Variants in DLGAP2 observed in about 807,000 individuals in gnomAD.
The protein encoded by DLGAP2 is disks large-associated protein 2.
A neutral mutation model predicts 100.3 loss-of-function variants in DLGAP2; 26 were observed. The observed-to-expected ratio is 0.26, with a 90% CI of 0.19 to 0.36. The LOEUF (loss-of-function observed/expected upper bound fraction) is 0.36, where lower values mean the gene tolerates loss of function less well. DLGAP2 is among the 10% of genes least tolerant of loss of function. The pLI is 1.00. For missense variants in DLGAP2, 1,858 were observed against 1,453.2 expected (o/e 1.28, Z -4.53); for synonymous variants, 886 against 630.1 (o/e 1.41, Z -6.08).
chr8:786,931 T>G (rs974676333), intron 1 of DLGAP2, among the ~76,000 whole-genome samples: 7 of 152,122 alleles, frequency 4.6e-5, no homozygotes, highest in Admixed American at 2.0e-4. Context: ...TCAAAACACT[T>G]CTGTCCTTTG....
At chr8:1,376,524 G>A (rs867001087) in intron 3 of DLGAP2, among the ~76,000 whole-genome samples, 1 of 152,206 alleles carries the variant, frequency 6.6e-6, no homozygotes, top group African/African-American at 2.4e-5. Context: ...TGGTACAATT[G>A]AGGCGCTTTC....
At chr8:1,339,206 G>T (rs1362027460) in intron 3 of DLGAP2, among the ~76,000 whole-genome samples, 3 of 149,408 alleles carry the variant, frequency 2.0e-5, no homozygotes, top group African/African-American at 5.0e-5. Context: ...AGGGAAGGCA[G>T]TGACCTCAGT....
intron 2 of DLGAP2, among the ~76,000 whole-genome samples, chr8:966,112 G>C (rs1799865137): frequency 6.6e-6 from 1 of 152,206 alleles, no homozygotes; most frequent in South Asian, 2.1e-4. Context: ...CACGCGCTGA[G>C]ACCAGAGCAG....
At chr8:853,863 T>C (rs1797226772) in intron 1 of DLGAP2, among the ~76,000 whole-genome samples, 1 of 152,138 alleles carries the variant, frequency 6.6e-6, no homozygotes, top group Admixed American at 6.5e-5. Flanking sequence ...CCCAGATTCA[T>C]ACCCTAACCC....
chr8:1,644,209 C>T (rs1585027450), intron 8 of DLGAP2, among the ~76,000 whole-genome samples: 1 of 152,248 alleles, frequency 6.6e-6, no homozygotes, highest in Non-Finnish European at 1.5e-5. Context: ...GGACTTCCCA[C>T]CCACTCTCCA....
rs1799560235 is a variant in DLGAP2 at position 1,701,285 on chromosome 8, G to A, written c.3047G>A (p.Arg1016His). Reference sequence around the variant, plus strand: ...TCCCTGGACCTGCCCGACAGACAACGCCAGGAAGCCCGGAGGCGCCTCATG... The same window carrying A: ...TCCCTGGACCTGCCCGACAGACAACACCAGGAAGCCCGGAGGCGCCTCATG... ...EKSLDLPDRQRQEARRRLMAA... is the reference protein window; with the variant it reads ...EKSLDLPDRQHQEARRRLMAA... Residue 1016 changes from arginine to histidine, a missense_variant, in exon 15 of 15, where the codon CGC (arginine) becomes CAC (histidine). Physicochemically the swap from Arg to His is conservative, Grantham distance 29 (BLOSUM62 0). Coordinates refer to ENST00000637795, the MANE Select transcript of DLGAP2 (RefSeq NM_001346810.2). 2 of 1,584,844 alleles carry A rather than the reference G, an allele frequency of 1.3e-6. No homozygotes were observed. The highest frequency in any genetic ancestry group is 1.7e-6 in the Non-Finnish European group (2 of 1,166,328).
intron 1 of DLGAP2, among the ~76,000 whole-genome samples, chr8:904,020 C>T (rs1033533147): frequency 1.3e-5 from 2 of 152,216 alleles, no homozygotes; most frequent in East Asian, 1.9e-4. Context: ...ACACGCGGTC[C>T]AGGCCCTGAG....
intron 3 of DLGAP2, among the ~76,000 whole-genome samples, chr8:1,466,194 C>T (rs889278277): frequency 3.9e-5 from 6 of 152,088 alleles, no homozygotes; most frequent in African/African-American, 1.2e-4. Context: ...GGGGTCAAAC[C>T]GACAGTAAAA....
At chr8:868,296 C>T (rs896184664) in intron 1 of DLGAP2, among the ~76,000 whole-genome samples, 13 of 152,088 alleles carry the variant, frequency 8.5e-5, no homozygotes, top group South Asian at 2.1e-4. Context: ...AGGTGTGTCT[C>T]GTTGTTAGTG....
intron 3 of DLGAP2, among the ~76,000 whole-genome samples, chr8:1,417,077 G>C (rs1202417825): frequency 1.3e-5 from 2 of 151,046 alleles, no homozygotes; most frequent in Non-Finnish European, 1.5e-5. Flanking sequence ...GCAGGAGAAA[G>C]GGCGGGGGTG....
chr8:903,964 G>T (rs559029332), intron 1 of DLGAP2, among the ~76,000 whole-genome samples: 2 of 152,364 alleles, frequency 1.3e-5, no homozygotes, highest in South Asian at 2.1e-4. Flanking sequence ...ATCAGGGAGG[G>T]TGAGGAAGAG....
chr8:1,657,007 C>T (rs1363859403), intron 8 of DLGAP2, among the ~76,000 whole-genome samples: 1 of 152,166 alleles, frequency 6.6e-6, no homozygotes, highest in Admixed American at 6.5e-5. Flanking sequence ...AAAAAATCAT[C>T]AGGGATTTTA....
chr8:1,266,149 C>T (rs1040319370), intron 3 of DLGAP2, among the ~76,000 whole-genome samples: 8 of 152,184 alleles, frequency 5.3e-5, no homozygotes, highest in Non-Finnish European at 8.8e-5. Context: ...GGGAGGTTTC[C>T]CTGGCCCCCA....
chr8:1,211,791 C>G (rs932168334), intron 2 of DLGAP2, among the ~76,000 whole-genome samples: 1 of 152,260 alleles, frequency 6.6e-6, no homozygotes, highest in Non-Finnish European at 1.5e-5. Flanking sequence ...AGGAGAATTG[C>G]TTGAACCCGG....
chr8:1,519,891 G>A (rs1252748133), intron 4 of DLGAP2, among the ~76,000 whole-genome samples: 1 of 152,230 alleles, frequency 6.6e-6, no homozygotes, highest in African/African-American at 2.4e-5. Context: ...GTGGGGTGGG[G>A]ATCCTAGACC....
At chr8:1,412,130 C>CCCT (rs1796748887) in intron 3 of DLGAP2, among the ~76,000 whole-genome samples, 1 of 152,220 alleles carries the variant, frequency 6.6e-6, no homozygotes, top group Admixed American at 6.5e-5. Flanking sequence ...TGCTGCATCT[C>CCCT]CCTCCTCCTC....
intron 8 of DLGAP2, among the ~76,000 whole-genome samples, chr8:1,634,289 T>C (rs575741679): frequency 6.6e-6 from 1 of 152,240 alleles, no homozygotes; most frequent in Non-Finnish European, 1.5e-5. Context: ...GTGGTAGATA[T>C]TTCTTCAATG....
At chr8:1,157,830 C>A (rs537105799) in intron 2 of DLGAP2, among the ~76,000 whole-genome samples, 7 of 152,358 alleles carry the variant, frequency 4.6e-5, no homozygotes, top group Admixed American at 1.3e-4. Flanking sequence ...GGGCACTTCC[C>A]ATTCACTGAG....
At chr8:1,578,429 G>A (rs950676921) in intron 6 of DLGAP2, among the ~76,000 whole-genome samples, 5 of 152,300 alleles carry the variant, frequency 3.3e-5, no homozygotes, top group South Asian at 2.1e-4. Flanking sequence ...GTGCCGTCCC[G>A]TGAGATGGAA....
Sources: allele counts gnomAD v4.1 joint callset (sites outside exome capture counted in the v4.1 genomes callset), GRCh38; gene constraint gnomAD v4.1.1; transcripts MANE v1.5; gene names NCBI Gene and HGNC (gene_info 2026-07-23, HGNC 2026-07-21).